LRP6: variants seen among roughly 807,000 people sequenced by gnomAD.
LRP6 encodes low-density lipoprotein receptor-related protein 6.
A neutral mutation model predicts 184.1 loss-of-function variants in LRP6; 43 were observed. That is an observed-to-expected ratio of 0.23 (90% CI 0.18 to 0.30). LRP6 has a LOEUF of 0.30. LRP6 is among the 10% of genes least tolerant of loss of function. The pLI is 1.00. For synonymous variants in LRP6, 719 were observed against 684.9 expected (o/e 1.05, Z -0.78); for missense variants, 1,571 against 2,005.3 (o/e 0.78, Z 4.14).
chr12:12,191,605 A>G (rs1460094450), intron 3 of LRP6, among the ~76,000 whole-genome samples: 2 of 152,182 alleles, frequency 1.3e-5, no homozygotes, highest in East Asian at 3.8e-4. Flanking sequence ...AGACAATAAA[A>G]AAGTATGCCA....
chr12:12,188,105 G>A (rs552174800), intron 3 of LRP6, among the ~76,000 whole-genome samples: 20 of 151,774 alleles, frequency 1.3e-4, no homozygotes, highest in East Asian at 5.8e-4. Flanking sequence ...CCAGACACTC[G>A]GAAGGCTGAG....
chr12:12,172,687 G>T (rs1004102297), intron 7 of LRP6, among the ~76,000 whole-genome samples: 43 of 152,186 alleles, frequency 2.8e-4, no homozygotes, highest in African/African-American at 1.0e-3. Context: ...GAGGGTTGGG[G>T]AGCATATTTT....
At chr12:12,206,764 A>G (rs1864069696) in intron 2 of LRP6, among the ~76,000 whole-genome samples, 1 of 152,012 alleles carries the variant, frequency 6.6e-6, no homozygotes, top group African/African-American at 2.4e-5. Flanking sequence ...TGAAAAAATA[A>G]TAATAAAATA....
chr12:12,213,167 G>T (rs1864253877), intron 2 of LRP6, among the ~76,000 whole-genome samples: 2 of 151,936 alleles, frequency 1.3e-5, no homozygotes. Context: ...AATCAAATGT[G>T]TGTGGAAGTA....
In LRP6 at chr12:12,118,010, G is replaced by A. The variant is rs1949540776; in HGVS notation, c.*3116C>T. On this transcript the variant is annotated 3_prime_UTR_variant, in exon 23 of 23. Coordinates refer to ENST00000261349, the MANE Select transcript of LRP6 (RefSeq NM_002336.3). Reference sequence around the variant, plus strand: ...AGTACCTATCATCTCTGTAGAATAGGTGTTCTCAAACTTACTAAAGAATCA... The same window carrying A: ...AGTACCTATCATCTCTGTAGAATAGATGTTCTCAAACTTACTAAAGAATCA... 1 of 152,088 alleles carries A rather than the reference G, an allele frequency of 6.6e-6. No individual in the cohort carries two copies. Among genetic ancestry groups the A allele is most frequent in the Non-Finnish European group, 1.5e-5 (1 of 68,020 alleles). 9.4% of individuals were successfully genotyped at this position (152,088 alleles called of 1,614,324 possible). A position where few individuals can be genotyped will look rare whatever the true frequency, so the allele number is the denominator to read the frequency against.
At chr12:12,212,438 T>G (rs1864237023) in intron 2 of LRP6, among the ~76,000 whole-genome samples, 1 of 152,138 alleles carries the variant, frequency 6.6e-6, no homozygotes, top group Non-Finnish European at 1.5e-5. Flanking sequence ...TGACTAAAAA[T>G]TATTACCCAC....
intron 12 of LRP6, chr12:12,155,858 G>A (rs954142812): frequency 3.2e-6 from 2 of 630,562 alleles, no homozygotes; most frequent in Admixed American, 2.8e-5. Flanking sequence ...AAGCTGTTGG[G>A]TAAAACAGCG....
intron 2 of LRP6, among the ~76,000 whole-genome samples, chr12:12,203,924 G>C (rs958069116): frequency 2.0e-5 from 3 of 152,232 alleles, no homozygotes; most frequent in African/African-American, 7.2e-5. Flanking sequence ...AAAAACCACT[G>C]AATCAAAATG....
chr12:12,143,929 G>C (rs1402901593), intron 15 of LRP6, among the ~76,000 whole-genome samples: 1 of 152,110 alleles, frequency 6.6e-6, no homozygotes, highest in Non-Finnish European at 1.5e-5. Flanking sequence ...TGAGCTTTTA[G>C]TGTAAAACCA....
chr12:12,129,222 A>G (rs1949713621), intron 19 of LRP6, among the ~76,000 whole-genome samples: 1 of 152,094 alleles, frequency 6.6e-6, no homozygotes, highest in African/African-American at 2.4e-5. Flanking sequence ...TAAGCTTATC[A>G]CCTCCAACCC....
At chr12:12,166,379 T>C (rs1862878459) in intron 7 of LRP6, among the ~76,000 whole-genome samples, 1 of 152,158 alleles carries the variant, frequency 6.6e-6, no homozygotes, top group African/African-American at 2.4e-5. Context: ...ACAGTGAACC[T>C]ATGTCCTGCA....
rs1282691091 is a variant in LRP6 at position 12,249,568 on chromosome 12, C to T, written c.56-4913G>A. ...AAATTTTCTAGATATGTCTTGTAGA[C>T]CTCAAAGTACTGGAAAGGAAGCTCC... On this transcript the variant is annotated intron_variant, in intron 1 of 22. Coordinates refer to ENST00000261349, the MANE Select transcript of LRP6 (RefSeq NM_002336.3). 1.1e-5 allele frequency: 5 copies of T among 445,374 alleles called. 1 individual carries two copies. The highest frequency in any genetic ancestry group is 8.0e-6 in the Non-Finnish European group (2 of 251,232). The allele number at this position is 445,374 out of a possible 1,614,324, so 27.6% of individuals were successfully genotyped here.
chr12:12,121,897 C>A (rs1359466645), intron 22 of LRP6, among the ~76,000 whole-genome samples: 3 of 151,992 alleles, frequency 2.0e-5, no homozygotes, highest in Non-Finnish European at 4.4e-5. Context: ...TTCTTCTGTA[C>A]AATTCTGTAC....
Position 12,165,115 on chromosome 12 carries a change from T to C in LRP6, c.1726A>G (p.Met576Val). The change falls in exon 8 of 23, where the codon ATG (methionine) becomes GTG (valine). Residue 576 changes from methionine to valine, a missense_variant. Met to Val is a conservative substitution (Grantham distance 21). Around this residue, in one of 4 missense-constraint regions of LRP6, gnomAD observed 640 missense variants for 851.9 expected, o/e 0.75. Transcript: ENST00000261349. ...TGAACATTTGTAGCCTTTAGGCCCA[T>C]GAGGTCAGGCAGCTGATCTATGATC... ...EVIIDQLPDL[M>V]GLKATNVHRV... The C allele has an allele frequency of 6.2e-7, 1 of 1,614,092 alleles. No homozygotes were observed.
chr12:12,147,264 C>T, intron 15 of LRP6, 102 bp downstream of exon 15: 2 of 1,322,474 alleles, frequency 1.5e-6, no homozygotes, highest in African/African-American at 1.5e-5. Flanking sequence ...ATGAATAAAA[C>T]TGCCAAGAAA....
At chr12:12,138,585 AC>A (rs1565547274) in intron 15 of LRP6, 51 bp from the exon 16 acceptor site, 30 of 1,503,754 alleles carry the variant, frequency 2.0e-5, no homozygotes, top group Non-Finnish European at 2.6e-5. Flanking sequence ...GTCAAGTTAT[AC>A]TTTTGGTAAT....
intron 13 of LRP6, among the ~76,000 whole-genome samples, chr12:12,150,390 T>C (rs1370743851): frequency 2.0e-5 from 3 of 152,198 alleles, no homozygotes; most frequent in African/African-American, 7.2e-5. Flanking sequence ...TAATTAGTAA[T>C]GTAACCGTTA....
At chr12:12,240,216 AT>A (rs778979361) in intron 2 of LRP6, among the ~76,000 whole-genome samples, 3 of 152,276 alleles carry the variant, frequency 2.0e-5, no homozygotes, top group South Asian at 2.1e-4. Context: ...ATCTCCAAAC[AT>A]ATGTGAATCT....
intron 2 of LRP6, among the ~76,000 whole-genome samples, chr12:12,204,558 T>G (rs898166284): frequency 1.3e-5 from 2 of 149,284 alleles, no homozygotes; most frequent in Non-Finnish European, 2.9e-5. Flanking sequence ...GTTTGAAGAC[T>G]TTTCAAAATA....
Sources: gnomAD v4.1 joint callset for allele counts (sites outside exome capture counted in the v4.1 genomes callset) on GRCh38, gnomAD v4.1.1 for gene constraint, gnomAD v4.1.1 regional missense constraint, MANE v1.5 for transcripts, NCBI Gene and HGNC (gene_info 2026-07-23, HGNC 2026-07-21) for gene names.